The following CCSER1 variants were observed in gnomAD, a reference collection of about 807,000 sequenced individuals.
CCSER1 encodes the protein coiled-coil serine rich protein 1, also known as serine-rich coiled-coil domain-containing protein 1.
CCSER1 carries 41 observed loss-of-function variants against 82.0 expected under a neutral mutation model. The observed-to-expected ratio is 0.50, with a 90% CI of 0.39 to 0.65. The LOEUF (loss-of-function observed/expected upper bound fraction) is 0.65, where lower values mean the gene tolerates loss of function less well. CCSER1 is among the 30% of genes least tolerant of loss of function. The pLI, the probability that CCSER1 is intolerant of heterozygous loss-of-function variation, is 0.00. For missense variants in CCSER1, 1,119 were observed against 1,064.2 expected (o/e 1.05, Z -0.72); for synonymous variants, 414 against 383.9 (o/e 1.08, Z -0.92).
At chr4:91,122,995 C>G (rs894583151) in intron 10 of CCSER1, among the ~76,000 whole-genome samples, 33 of 151,774 alleles carry the variant, frequency 2.2e-4, no homozygotes, top group African/African-American at 7.5e-4. Context: ...ACCAAATTTT[C>G]ATATAGGGCA....
chr4:90,673,577 C>T (rs1733214470), intron 6 of CCSER1, among the ~76,000 whole-genome samples: 2 of 151,956 alleles, frequency 1.3e-5, no homozygotes, highest in African/African-American at 4.8e-5. Flanking sequence ...AGTTGAGGCA[C>T]ATGGATCCTT....
chr4:90,308,600 G>A lies in CCSER1; in HGVS notation c.316G>A (p.Glu106Lys). Reference protein sequence around the residue: ...GHSNMQKLSLEEHIKTRGRHS... With the variant: ...GHSNMQKLSLKEHIKTRGRHS... ...CAGCAATATGCAGAAACTGAGTTTG[G>A]AAGAACATATTAAGACCAGGGGAAG... is the stretch of plus-strand genomic sequence containing the variant. The change falls in exon 2 of 11, where the codon GAA becomes AAA. Residue 106 changes from glutamate to lysine, a missense_variant. Transcript: ENST00000509176. 1 of 1,613,880 alleles carries A rather than the reference G, an allele frequency of 6.2e-7. No homozygotes were observed. Among genetic ancestry groups the A allele is most frequent in the Non-Finnish European group, 8.5e-7 (1 of 1,179,846 alleles).
At chr4:91,049,486 A>T (rs1742812224) in intron 9 of CCSER1, among the ~76,000 whole-genome samples, 1 of 152,248 alleles carries the variant, frequency 6.6e-6, no homozygotes, top group Non-Finnish European at 1.5e-5. Context: ...GGCAACAAAT[A>T]TGAAAAGGAA....
intron 4 of CCSER1, among the ~76,000 whole-genome samples, chr4:90,448,444 A>AATATATATAT (rs70963067): frequency 1.4e-3 from 62 of 44,080 alleles, no homozygotes; most frequent in East Asian, 2.2e-3. Context: ...AGGTGAATTG[A>AATATATATAT]ATATATATAT....
chr4:91,437,847 G>A (rs1754774705), intron 10 of CCSER1, among the ~76,000 whole-genome samples: 1 of 152,238 alleles, frequency 6.6e-6, no homozygotes, highest in African/African-American at 2.4e-5. Context: ...CTGGTTTGGA[G>A]GGTCCTACGC....
At chr4:91,207,133 T>C (rs992261645) in intron 10 of CCSER1, among the ~76,000 whole-genome samples, 1 of 151,808 alleles carries the variant, frequency 6.6e-6, no homozygotes, top group African/African-American at 2.4e-5. Flanking sequence ...AATAGTTTGA[T>C]ATATCATTGG....
At chr4:90,284,002 TAGGA>T (rs1298306246) in intron 1 of CCSER1, among the ~76,000 whole-genome samples, 1 of 152,046 alleles carries the variant, frequency 6.6e-6, no homozygotes, top group Non-Finnish European at 1.5e-5. Context: ...TTCCTGTCTT[TAGGA>T]TAAAAACCAT....
chr4:91,337,301 A>G (rs1391085169), intron 10 of CCSER1, among the ~76,000 whole-genome samples: 1 of 152,142 alleles, frequency 6.6e-6, no homozygotes, highest in Non-Finnish European at 1.5e-5. Flanking sequence ...TATACCATAT[A>G]CATTAGAACC....
At chr4:91,167,861 A>G (rs1327791603) in intron 10 of CCSER1, among the ~76,000 whole-genome samples, 2 of 152,280 alleles carry the variant, frequency 1.3e-5, no homozygotes, top group African/African-American at 4.8e-5. Flanking sequence ...CAAACAAATT[A>G]TGGCTGCTCA....
intron 9 of CCSER1, among the ~76,000 whole-genome samples, chr4:91,074,113 C>A (rs1362651528): frequency 6.6e-6 from 1 of 152,136 alleles, no homozygotes; most frequent in African/African-American, 2.4e-5. Context: ...ATAGCAAGAA[C>A]TAATAAGGGG....
chr4:90,737,174 G>C (rs1437392139), intron 7 of CCSER1, among the ~76,000 whole-genome samples: 1 of 152,048 alleles, frequency 6.6e-6, no homozygotes, highest in African/African-American at 2.4e-5. Flanking sequence ...ATAATATTCT[G>C]TGGTTTTCTG....
At chr4:90,367,881 A>G (rs538822897) in intron 3 of CCSER1, among the ~76,000 whole-genome samples, 5 of 152,062 alleles carry the variant, frequency 3.3e-5, no homozygotes, top group African/African-American at 1.2e-4. Flanking sequence ...ACATTTGAGC[A>G]GAAAATAATC....
intron 5 of CCSER1, among the ~76,000 whole-genome samples, chr4:90,598,624 T>TATTC (rs1342399794): frequency 1.3e-5 from 2 of 152,202 alleles, no homozygotes; most frequent in African/African-American, 4.8e-5. Flanking sequence ...GAGAAATGTG[T>TATTC]ATTCAGGTCC....
intron 7 of CCSER1, among the ~76,000 whole-genome samples, chr4:90,752,983 A>C (rs1748924339): frequency 6.6e-6 from 1 of 152,136 alleles, no homozygotes; most frequent in South Asian, 2.1e-4. Context: ...AAAAATGAAA[A>C]ATAATTTTTT....
chr4:90,317,914 C>G (rs561081084), intron 3 of CCSER1, among the ~76,000 whole-genome samples: 3 of 152,282 alleles, frequency 2.0e-5, no homozygotes, highest in African/African-American at 4.8e-5. Context: ...AATCATATGG[C>G]CCAAACTAGA....
chr4:91,487,952 G>C (rs1383241711), intron 10 of CCSER1, among the ~76,000 whole-genome samples: 3 of 151,762 alleles, frequency 2.0e-5, no homozygotes, highest in Non-Finnish European at 4.4e-5. Flanking sequence ...TTACTTTTAA[G>C]TTAAATTATA....
intron 7 of CCSER1, among the ~76,000 whole-genome samples, chr4:90,764,704 A>G (rs1247555206): frequency 1.3e-5 from 2 of 152,132 alleles, no homozygotes; most frequent in Admixed American, 1.3e-4. Context: ...GGACATTTTA[A>G]AGACTAATGA....
intron 10 of CCSER1, among the ~76,000 whole-genome samples, chr4:91,252,796 G>A (rs1212665512): frequency 6.6e-6 from 1 of 151,978 alleles, no homozygotes; most frequent in Non-Finnish European, 1.5e-5. Flanking sequence ...AAAAGGAAAT[G>A]AGAAATTTCT....
At chr4:90,963,342 T>C (rs1000059284) in intron 9 of CCSER1, among the ~76,000 whole-genome samples, 5 of 152,014 alleles carry the variant, frequency 3.3e-5, no homozygotes, top group African/African-American at 4.8e-5. Flanking sequence ...TGATGACAGA[T>C]AGATCTATAG....
Sources: allele counts gnomAD v4.1 joint callset (sites outside exome capture counted in the v4.1 genomes callset), GRCh38; gene constraint gnomAD v4.1.1; transcripts MANE v1.5; gene names NCBI Gene and HGNC (gene_info 2026-07-23, HGNC 2026-07-21).